Variants in KIAA1217 observed in about 807,000 individuals in gnomAD.
KIAA1217 encodes the protein KIAA1217, also known as sickle tail protein homolog.
In KIAA1217, 88 loss-of-function variants were observed where a neutral mutation model predicts 163.9. The observed-to-expected ratio is 0.54, with a 90% CI of 0.45 to 0.64. The LOEUF is 0.64. Ranked by LOEUF, KIAA1217 falls within the 30% of genes least tolerant of loss-of-function variation. The pLI, the probability that KIAA1217 is intolerant of heterozygous loss-of-function variation, is 0.00. For synonymous variants in KIAA1217, 903 were observed against 923.1 expected (o/e 0.98, Z 0.39); for missense variants, 2,372 against 2,475.0 (o/e 0.96, Z 0.88).
At chr10:23,724,962 T>C (rs780069877) in intron 1 of KIAA1217, among the ~76,000 whole-genome samples, 10 of 152,136 alleles carry the variant, frequency 6.6e-5, no homozygotes, top group Non-Finnish European at 1.5e-4. Flanking sequence ...AGTCCAAGCC[T>C]GCCAGCTGCT....
At chr10:23,906,029 A>G (rs1842147749) in intron 1 of KIAA1217, among the ~76,000 whole-genome samples, 1 of 152,100 alleles carries the variant, frequency 6.6e-6, no homozygotes, top group African/African-American at 2.4e-5. Flanking sequence ...CACAATGGCC[A>G]TCTTGTTGCT....
At chr10:23,803,875 GCA>G (rs1464250478) in intron 1 of KIAA1217, among the ~76,000 whole-genome samples, 1 of 151,688 alleles carries the variant, frequency 6.6e-6, no homozygotes, top group African/African-American at 2.4e-5. Flanking sequence ...GTGTTTGTAT[GCA>G]CACACACATA....
At chr10:23,840,171 T>C (rs1838701524) in intron 1 of KIAA1217, among the ~76,000 whole-genome samples, 1 of 152,058 alleles carries the variant, frequency 6.6e-6, no homozygotes, top group Non-Finnish European at 1.5e-5. Context: ...TTTTTTTTTT[T>C]TGAGAGGAAG....
intron 2 of KIAA1217, among the ~76,000 whole-genome samples, chr10:24,108,899 T>C (rs1403919345): frequency 1.3e-5 from 2 of 152,176 alleles, no homozygotes; most frequent in Non-Finnish European, 2.9e-5. Flanking sequence ...TGGCTCAATA[T>C]CGGCTCACTG....
chr10:24,048,891 T>C (rs1849266461), intron 2 of KIAA1217, among the ~76,000 whole-genome samples: 1 of 151,508 alleles, frequency 6.6e-6, no homozygotes, highest in Non-Finnish European at 1.5e-5. Flanking sequence ...ATTAGCTGTG[T>C]GTGGTGGCGG....
At chr10:24,431,513 G>A (rs117018764) in intron 3 of KIAA1217, among the ~76,000 whole-genome samples, 2,892 of 152,232 alleles carry the variant, frequency 0.019, 39 homozygotes, top group Non-Finnish European at 0.029. Context: ...CCACTCCCAA[G>A]ACGGCTCATC....
chr10:23,771,881 AT>A (rs1425364683), intron 1 of KIAA1217, among the ~76,000 whole-genome samples: 3 of 152,220 alleles, frequency 2.0e-5, no homozygotes, highest in Non-Finnish European at 2.9e-5. Context: ...CTCTGCTGCA[AT>A]TATCTTCTGT....
chr10:24,406,180 T>C (rs1183045308), intron 3 of KIAA1217, among the ~76,000 whole-genome samples: 1 of 152,200 alleles, frequency 6.6e-6, no homozygotes, highest in Non-Finnish European at 1.5e-5. Flanking sequence ...CGAGCAACAA[T>C]TCACATTCAG....
chr10:23,969,324 C>T (rs146912530), intron 1 of KIAA1217, among the ~76,000 whole-genome samples: 1,729 of 152,292 alleles, frequency 0.011, 26 homozygotes, highest in African/African-American at 0.039. Context: ...CATGAGCCAC[C>T]GCGCCCAGTC....
At chr10:23,727,625 T>C (rs982619520) in intron 1 of KIAA1217, among the ~76,000 whole-genome samples, 1 of 152,210 alleles carries the variant, frequency 6.6e-6, no homozygotes, top group Non-Finnish European at 1.5e-5. Context: ...TTTAATATTT[T>C]TAACGTTGCT....
intron 1 of KIAA1217, among the ~76,000 whole-genome samples, chr10:23,893,567 C>A (rs949304616): frequency 1.3e-5 from 2 of 151,920 alleles, no homozygotes; most frequent in South Asian, 2.1e-4. Context: ...TTTTCTAGTT[C>A]TTTTAATTGT....
intron 1 of KIAA1217, among the ~76,000 whole-genome samples, chr10:23,790,711 A>ATATATGTATG (rs576762545): frequency 2.1e-5 from 3 of 140,364 alleles, no homozygotes; most frequent in Admixed American, 7.2e-5. Context: ...ACACATATAT[A>ATATATGTATG]TATGTATGTA....
chr10:24,063,318 A>G (rs572786635), intron 2 of KIAA1217, among the ~76,000 whole-genome samples: 5 of 152,192 alleles, frequency 3.3e-5, no homozygotes, highest in Non-Finnish European at 7.3e-5. Flanking sequence ...ATTTTTGTAT[A>G]AGGTGTAAGG....
intron 3 of KIAA1217, among the ~76,000 whole-genome samples, chr10:24,402,401 C>T (rs935902994): frequency 2.6e-5 from 4 of 151,536 alleles, no homozygotes; most frequent in African/African-American, 9.7e-5. Flanking sequence ...CCCAACTACT[C>T]AGGAGGCTGA....
intron 2 of KIAA1217, among the ~76,000 whole-genome samples, chr10:24,033,035 T>C (rs1323503325): frequency 6.6e-6 from 1 of 152,200 alleles, no homozygotes; most frequent in Non-Finnish European, 1.5e-5. Flanking sequence ...CAGCCTTCTA[T>C]GTAAGGGAGT....
At chr10:23,850,233 T>C (rs910849965) in intron 1 of KIAA1217, among the ~76,000 whole-genome samples, 5 of 152,126 alleles carry the variant, frequency 3.3e-5, no homozygotes, top group African/African-American at 1.2e-4. Context: ...TAACATCTTC[T>C]AGATAAATTT....
At chr10:23,808,005 T>A (rs1836823865) in intron 1 of KIAA1217, among the ~76,000 whole-genome samples, 1 of 152,226 alleles carries the variant, frequency 6.6e-6, no homozygotes, top group Admixed American at 6.5e-5. Flanking sequence ...AGAGGATTGA[T>A]GACAAACTTG....
At chr10:24,517,358 G>A (rs2070357792) in intron 10 of KIAA1217, among the ~76,000 whole-genome samples, 1 of 152,274 alleles carries the variant, frequency 6.6e-6, no homozygotes, top group Middle Eastern at 3.4e-3. Context: ...AATGTTTCTA[G>A]CATGAAGAAA....
At chr10:23,780,151 T>C (rs1564413149) in intron 1 of KIAA1217, among the ~76,000 whole-genome samples, 1 of 152,198 alleles carries the variant, frequency 6.6e-6, no homozygotes, top group Non-Finnish European at 1.5e-5. Flanking sequence ...GTTTTGTTTT[T>C]ATTGTACATA....
Sources: gnomAD v4.1 joint callset for allele counts (sites outside exome capture counted in the v4.1 genomes callset) on GRCh38, gnomAD v4.1.1 for gene constraint, MANE v1.5 for transcripts, NCBI Gene and HGNC (gene_info 2026-07-23, HGNC 2026-07-21) for gene names.